The following CCDC171 variants were observed in gnomAD, a reference collection of about 807,000 sequenced individuals.
The protein encoded by CCDC171 is coiled-coil domain-containing protein 171.
Under a neutral mutation model 168.2 loss-of-function variants are expected in CCDC171, and 177 were observed. That is an observed-to-expected ratio of 1.05 (90% confidence interval 0.93 to 1.19). The LOEUF (loss-of-function observed/expected upper bound fraction) is 1.19, where lower values mean the gene tolerates loss of function less well. CCDC171 is among the 50% of genes most tolerant of loss of function. CCDC171 has a pLI of 0.00. For missense variants in CCDC171, 1,991 were observed against 1,539.0 expected (o/e 1.29, Z -4.91); for synonymous variants, 687 against 540.8 (o/e 1.27, Z -3.75).
rs558120855 is a variant in CCDC171, at chr9:16,036,600, C to T, written n.1181+394C>T. Among the ~76,000 whole-genome samples, 250 of 152,280 alleles carry T rather than the reference C, an allele frequency of 1.6e-3. 2 individuals are homozygous for T. The highest frequency in any genetic ancestry group is 3.0e-3 in the Non-Finnish European group (207 of 68,028). On this transcript the variant is annotated intron_variant and non_coding_transcript_variant, in intron 8 of 9. Coordinates refer to the CCDC171 transcript ENST00000486641. ...TGGAGCTTTCAGTGAGTGGAGATCG[C>T]GCCACTGCACTCCAGCCTGGGCCAC... is the stretch of plus-strand genomic sequence containing the variant.
At chr9:15,884,960 T>G (rs976085520) in intron 24 of CCDC171, among the ~76,000 whole-genome samples, 1 of 152,188 alleles carries the variant, frequency 6.6e-6, no homozygotes, top group African/African-American at 2.4e-5. Flanking sequence ...TTCAAAAAAA[T>G]AATATGTTCA....
At chr9:15,758,560 G>T (rs2056267554) in intron 18 of CCDC171, among the ~76,000 whole-genome samples, 1 of 152,174 alleles carries the variant, frequency 6.6e-6, no homozygotes, top group Admixed American at 6.5e-5. Context: ...AGACTTTGGG[G>T]GATGGTTGGG....
intron 3 of CCDC171, among the ~76,000 whole-genome samples, chr9:15,995,813 C>A (rs1029048294): frequency 6.6e-6 from 1 of 152,218 alleles, no homozygotes; most frequent in African/African-American, 2.4e-5. Flanking sequence ...GTTTTCAGTT[C>A]ATCATGATCT....
At chr9:15,793,179 C>T (rs1167140716) in intron 21 of CCDC171, among the ~76,000 whole-genome samples, 4 of 151,816 alleles carry the variant, frequency 2.6e-5, no homozygotes, top group Non-Finnish European at 4.4e-5. Flanking sequence ...CAATCCTAGT[C>T]TCTGATAAAA....
At chr9:15,553,862 A>C (rs560829478) in intron 1 of CCDC171, among the ~76,000 whole-genome samples, 1 of 152,258 alleles carries the variant, frequency 6.6e-6, no homozygotes, top group South Asian at 2.1e-4. Flanking sequence ...TATGATATTG[A>C]TCCTAAGAAA....
At chr9:15,749,274 A>G (rs950790510) in intron 18 of CCDC171, among the ~76,000 whole-genome samples, 1 of 152,238 alleles carries the variant, frequency 6.6e-6, no homozygotes, top group Non-Finnish European at 1.5e-5. Flanking sequence ...AGAGCTAACT[A>G]TCCTAAATAT....
intron 25 of CCDC171, among the ~76,000 whole-genome samples, chr9:15,942,615 G>A (rs1827855817): frequency 6.6e-6 from 1 of 151,976 alleles, no homozygotes; most frequent in African/African-American, 2.4e-5. Context: ...TAGACAATCT[G>A]TAGCGCTGAA....
intron 2 of CCDC171, among the ~76,000 whole-genome samples, chr9:15,568,749 GT>G (rs143401145): frequency 0.056 from 8,472 of 150,950 alleles, 281 homozygotes; most frequent in African/African-American, 0.092. Flanking sequence ...ACTTTTTAAT[GT>G]TTTTTTTTCT....
chr9:15,914,171 T>C (rs1824137230), intron 24 of CCDC171, among the ~76,000 whole-genome samples: 1 of 152,202 alleles, frequency 6.6e-6, no homozygotes, highest in African/African-American at 2.4e-5. Context: ...GCTCGAGTGC[T>C]GTGCTGGGAG....
chr9:15,556,878 A>G (rs2038846934), intron 1 of CCDC171, among the ~76,000 whole-genome samples: 1 of 152,158 alleles, frequency 6.6e-6, no homozygotes. Context: ...TTTTAGGTCT[A>G]ACATTTAAGT....
intron 24 of CCDC171, among the ~76,000 whole-genome samples, chr9:15,911,807 C>T (rs963178537): frequency 6.6e-6 from 1 of 152,178 alleles, no homozygotes; most frequent in Admixed American, 6.5e-5. Context: ...AATAGGGAAT[C>T]CTTTCCCCAT....
intron 1 of CCDC171, among the ~76,000 whole-genome samples, chr9:15,561,376 A>C (rs144285103): frequency 6.6e-6 from 1 of 152,176 alleles, no homozygotes; most frequent in Admixed American, 6.5e-5. Context: ...GAGTTCAACA[A>C]ATATTGAAGA....
intron 25 of CCDC171, among the ~76,000 whole-genome samples, chr9:15,956,781 T>C (rs1829838481): frequency 6.6e-6 from 1 of 152,178 alleles, no homozygotes; most frequent in Admixed American, 6.6e-5. Flanking sequence ...TGTCCATAAG[T>C]GCATGTTTAT....
chr9:15,586,305 T>C (rs998710577), intron 4 of CCDC171, among the ~76,000 whole-genome samples: 3 of 152,170 alleles, frequency 2.0e-5, no homozygotes, highest in Non-Finnish European at 2.9e-5. Flanking sequence ...ACTTTCTGTG[T>C]TTTTAAAATT....
intron 7 of CCDC171, among the ~76,000 whole-genome samples, chr9:15,629,307 A>G (rs1440824210): frequency 6.6e-6 from 1 of 152,160 alleles, no homozygotes; most frequent in Non-Finnish European, 1.5e-5. Flanking sequence ...AATGTATAGA[A>G]TAACCAATAC....
the CCDC171 span, among the ~76,000 whole-genome samples, chr9:16,079,867 C>T: frequency 5.5e-4 from 84 of 152,286 alleles, 1 homozygote; most frequent in East Asian, 9.1e-3. Flanking sequence ...CTCCTTTATT[C>T]CTCTTAAGAA....
intron 25 of CCDC171, among the ~76,000 whole-genome samples, chr9:15,963,408 A>G (rs1463013996): frequency 1.3e-5 from 2 of 152,222 alleles, no homozygotes; most frequent in African/African-American, 4.8e-5. Context: ...ACATACCTGC[A>G]TGCTCACCTT....
chr9:15,637,142 G>C (rs1425349790), intron 7 of CCDC171, among the ~76,000 whole-genome samples: 1 of 152,088 alleles, frequency 6.6e-6, no homozygotes, highest in Non-Finnish European at 1.5e-5. Context: ...TGTAATCCTA[G>C]CTGCTCTGGA....
At chr9:15,754,076 G>C (rs1432734657) in intron 18 of CCDC171, among the ~76,000 whole-genome samples, 1 of 152,088 alleles carries the variant, frequency 6.6e-6, no homozygotes, top group Non-Finnish European at 1.5e-5. Context: ...GAAAGGATGG[G>C]AACATATTTT....
Sources: allele counts gnomAD v4.1 joint callset (sites outside exome capture counted in the v4.1 genomes callset), GRCh38; gene constraint gnomAD v4.1.1; transcripts MANE v1.5; gene names NCBI Gene and HGNC (gene_info 2026-07-23, HGNC 2026-07-21).